The following MMP26 variants were observed in gnomAD, a reference collection of about 807,000 sequenced individuals.
The protein encoded by MMP26 is matrix metallopeptidase 26.
A neutral mutation model predicts 31.0 loss-of-function variants in MMP26; 33 were observed. The ratio of observed to expected loss-of-function variants is 1.06; its 90% CI spans 0.81 to 1.42. The LOEUF (loss-of-function observed/expected upper bound fraction) is 1.42. Among genes scored for constraint, MMP26 ranks in the 40% most tolerant of loss-of-function variants. The pLI is 0.00. For missense variants in MMP26, 347 were observed against 316.1 expected (o/e 1.10, Z -0.74); for synonymous variants, 122 against 114.9 (o/e 1.06, Z -0.40).
intron 1 of MMP26, among the ~76,000 whole-genome samples, chr11:4,714,111 A>G (rs1043927257): frequency 3.3e-5 from 5 of 152,182 alleles, no homozygotes; most frequent in Admixed American, 6.5e-5. Context: ...CAGGCAGGAA[A>G]GAACACATCC....
intron 2 of MMP26, among the ~76,000 whole-genome samples, chr11:4,873,430 A>G (rs1017756523): frequency 6.6e-6 from 1 of 152,138 alleles, no homozygotes; most frequent in African/African-American, 2.4e-5. Flanking sequence ...GTGCAAAGTC[A>G]TTGAGACAGA....
chr11:4,882,602 A>G, intron 2 of MMP26: 2 of 1,613,964 alleles, frequency 1.2e-6, no homozygotes, highest in Non-Finnish European at 1.7e-6. Context: ...GGCCCGAAAG[A>G]AGCAACAAAA....
At chr11:4,897,004 T>C (rs1850713458) in intron 2 of MMP26, among the ~76,000 whole-genome samples, 1 of 152,094 alleles carries the variant, frequency 6.6e-6, no homozygotes. Context: ...TTGCTAGTAA[T>C]AGTATGGCCA....
intron 2 of MMP26, among the ~76,000 whole-genome samples, chr11:4,983,237 G>T (rs1019396130): frequency 6.6e-6 from 1 of 152,144 alleles, no homozygotes; most frequent in African/African-American, 2.4e-5. Context: ...GCTCCTTGCA[G>T]CCTGCCCAGC....
intron 1 of MMP26, among the ~76,000 whole-genome samples, chr11:4,714,957 C>CAT (rs1847908446): frequency 1.3e-5 from 2 of 148,694 alleles, no homozygotes; most frequent in Non-Finnish European, 3.0e-5. Context: ...CACACACACA[C>CAT]ATTACTCAGT....
chr11:4,745,478 T>C (rs1317930353), intron 1 of MMP26, among the ~76,000 whole-genome samples: 3 of 152,132 alleles, frequency 2.0e-5, no homozygotes, highest in Non-Finnish European at 4.4e-5. Context: ...CACAGCAAAA[T>C]TTAGCAGAAA....
intron 2 of MMP26, among the ~76,000 whole-genome samples, chr11:4,940,040 T>C (rs978980235): frequency 1.5e-4 from 23 of 151,878 alleles, no homozygotes; most frequent in Admixed American, 3.3e-4. Context: ...TTAATTAAAA[T>C]ATATAGGACA....
intron 2 of MMP26, among the ~76,000 whole-genome samples, chr11:4,911,204 A>G (rs1255725220): frequency 6.6e-6 from 1 of 152,148 alleles, no homozygotes; most frequent in Non-Finnish European, 1.5e-5. Flanking sequence ...GTCATCAAGA[A>G]ATGACAAATA....
chr11:4,804,004 T>C lies in MMP26; in HGVS notation c.-145+36663T>C, dbSNP rs550213959. ...TCGGAGTGGGAAGCAGATAGCCACG[T>C]AGCAGTCCAGGGCCATAGCCATGAG... On this transcript the variant is annotated intron_variant, in intron 2 of 7. Coordinates refer to ENST00000380390, the MANE Select transcript of MMP26 (RefSeq NM_021801.5). The C allele has an allele frequency of 6.8e-6, 11 of 1,613,878 alleles. 1 individual carries two copies. In the African/African-American group the frequency reaches 1.5e-4, roughly 22 times the overall value.
intron 2 of MMP26, among the ~76,000 whole-genome samples, chr11:4,781,602 A>C (rs369997302): frequency 3.1e-5 from 2 of 65,066 alleles, no homozygotes; most frequent in South Asian, 3.3e-4. Context: ...AAAAAAAAAA[A>C]AAAAACTGAT....
intron 2 of MMP26, among the ~76,000 whole-genome samples, chr11:4,921,414 A>T (rs1851182613): frequency 1.3e-5 from 2 of 152,250 alleles, no homozygotes; most frequent in Admixed American, 1.3e-4. Context: ...ATAAAATAAA[A>T]TAAATGACAG....
chr11:4,943,523 A>G (rs2605301), intron 2 of MMP26: 384,762 of 455,754 alleles, frequency 0.84, 162,933 homozygotes, highest in Admixed American at 0.91. Context: ...ATTTTGTGCT[A>G]GATAATTCTT....
At chr11:4,751,912 AT>A (rs1848451460) in intron 1 of MMP26, 1 of 152,164 alleles carries the variant, frequency 6.6e-6, no homozygotes, top group Non-Finnish European at 1.5e-5. Context: ...TTGTGGAGAC[AT>A]TTGAATTGGA....
intron 2 of MMP26, among the ~76,000 whole-genome samples, chr11:4,813,811 T>G (rs1057250230): frequency 1.3e-5 from 2 of 151,076 alleles, no homozygotes; most frequent in African/African-American, 4.9e-5. Flanking sequence ...GATCAACAAT[T>G]GATCTTCATT....
chr11:4,823,370 C>A (rs556078755), intron 2 of MMP26, among the ~76,000 whole-genome samples: 1 of 152,218 alleles, frequency 6.6e-6, no homozygotes, highest in South Asian at 2.1e-4. Flanking sequence ...CATGTATATC[C>A]ACAGACTTCA....
At chr11:4,778,595 G>A (rs1293374970) in intron 2 of MMP26, among the ~76,000 whole-genome samples, 2 of 151,950 alleles carry the variant, frequency 1.3e-5, no homozygotes, top group Non-Finnish European at 2.9e-5. Flanking sequence ...CAGTGCCTAG[G>A]CAATTCTATA....
intron 2 of MMP26, among the ~76,000 whole-genome samples, chr11:4,893,543 C>G (rs1850658916): frequency 6.6e-6 from 1 of 152,176 alleles, no homozygotes; most frequent in Admixed American, 6.5e-5. Flanking sequence ...GCTTTGAACA[C>G]CCTCACTGCC....
intron 1 of MMP26, chr11:4,711,343 T>G (rs911532901): frequency 6.6e-6 from 1 of 152,222 alleles, no homozygotes; most frequent in African/African-American, 2.4e-5. Flanking sequence ...TAAATGCACA[T>G]TAAAAAGTAT....
At chr11:4,915,546 A>G in intron 2 of MMP26, 3 of 1,614,142 alleles carry the variant, frequency 1.9e-6, no homozygotes, top group Non-Finnish European at 2.5e-6. Context: ...GAAACCAGAT[A>G]CATGAAGCAC....
Sources: allele counts gnomAD v4.1 joint callset (sites outside exome capture counted in the v4.1 genomes callset), GRCh38; gene constraint gnomAD v4.1.1; transcripts MANE v1.5; gene names NCBI Gene and HGNC (gene_info 2026-07-23, HGNC 2026-07-21).